The following SDC2 variants were observed in gnomAD, a reference collection of about 807,000 sequenced individuals.
The protein encoded by SDC2 is syndecan 2.
Under a neutral mutation model 22.2 loss-of-function variants are expected in SDC2, and 13 were observed. The observed-to-expected ratio is 0.59, with a 90% CI of 0.38 to 0.93. The LOEUF is 0.93. Ranked by LOEUF, SDC2 falls within the 40% of genes least tolerant of loss-of-function variation. The probability of loss-of-function intolerance (pLI) is 0.00; values close to 1 mark genes in which losing one functional copy is unlikely to be tolerated. For synonymous variants in SDC2, 94 were observed against 92.8 expected, an observed-to-expected ratio of 1.01 and a Z score of -0.07; for missense variants, 235 against 246.8, an observed-to-expected ratio of 0.95 and a Z score of 0.32.
intron 1 of SDC2, among the ~76,000 whole-genome samples, chr8:96,590,620 C>T (rs959507314): frequency 6.6e-5 from 10 of 151,860 alleles, no homozygotes; most frequent in South Asian, 2.1e-4. Context: ...TTGTCATGAG[C>T]GCAGGGGTTT....
chr8:96,495,627 A>G (rs1813061691), intron 1 of SDC2, among the ~76,000 whole-genome samples: 1 of 152,198 alleles, frequency 6.6e-6, no homozygotes, highest in African/African-American at 2.4e-5. Context: ...GACAAATTAT[A>G]TCATCTTAAG....
intron 1 of SDC2, among the ~76,000 whole-genome samples, chr8:96,585,747 C>G (rs1814674872): frequency 6.6e-6 from 1 of 152,102 alleles, no homozygotes; most frequent in Admixed American, 6.6e-5. Context: ...TTTACACCAC[C>G]AGATGCCCCA....
chr8:96,576,187 G>C (rs1313708455), intron 1 of SDC2, among the ~76,000 whole-genome samples: 1 of 151,760 alleles, frequency 6.6e-6, no homozygotes, highest in African/African-American at 2.4e-5. Context: ...CTTGTACCTG[G>C]TATGAAGGCG....
chr8:96,603,775 T>TG (rs1815032052), intron 3 of SDC2, among the ~76,000 whole-genome samples: 1 of 152,094 alleles, frequency 6.6e-6, no homozygotes, highest in Non-Finnish European at 1.5e-5. Flanking sequence ...CTGTCCAAAT[T>TG]GAAGTGCTTT....
intron 1 of SDC2, among the ~76,000 whole-genome samples, chr8:96,533,955 C>T (rs186068535): frequency 2.7e-4 from 41 of 152,272 alleles, no homozygotes; most frequent in South Asian, 6.2e-4. Context: ...CCCTGCCCCG[C>T]GGGGAGGCAG....
chr8:96,510,935 T>C lies in SDC2; in HGVS notation c.60+16604T>C, dbSNP rs181250532. Among the ~76,000 whole-genome samples, 617 of 152,306 alleles carry C rather than the reference T, an allele frequency of 4.1e-3. 3 individuals are homozygous for C. The highest frequency in any genetic ancestry group is 8.9e-3 in the South Asian group (43 of 4,830). ...ATTCATGTAATACAATTAGTAGATA[T>C]AAGTGCTTTTTCTCAGTGGAAATTG... On this transcript the variant is annotated intron_variant, in intron 1 of 4. Coordinates refer to ENST00000302190, the MANE Select transcript of SDC2 (RefSeq NM_002998.4).
intron 1 of SDC2, among the ~76,000 whole-genome samples, chr8:96,562,187 A>G (rs1190232474): frequency 6.6e-6 from 1 of 152,106 alleles, no homozygotes; most frequent in Non-Finnish European, 1.5e-5. Context: ...TTTAAGATCT[A>G]TGTCTAGATT....
intron 1 of SDC2, among the ~76,000 whole-genome samples, chr8:96,515,298 TCTC>T (rs1813385335): frequency 6.6e-6 from 1 of 152,216 alleles, no homozygotes; most frequent in African/African-American, 2.4e-5. Flanking sequence ...TCTCCTCTCT[TCTC>T]CTTTGGCAGC....
At chr8:96,598,369 C>A (rs1421180111) in intron 2 of SDC2, among the ~76,000 whole-genome samples, 1 of 152,110 alleles carries the variant, frequency 6.6e-6, no homozygotes, top group Non-Finnish European at 1.5e-5. Flanking sequence ...CGCCTGTAAT[C>A]CCAGCAGTTT....
intron 1 of SDC2, among the ~76,000 whole-genome samples, chr8:96,571,384 G>T (rs1237685331): frequency 6.6e-6 from 1 of 152,188 alleles, no homozygotes; most frequent in Non-Finnish European, 1.5e-5. Flanking sequence ...GATGGAAAGG[G>T]GCAGGTCCCC....
At chr8:96,581,209 T>C (rs1422843982) in intron 1 of SDC2, among the ~76,000 whole-genome samples, 4 of 152,358 alleles carry the variant, frequency 2.6e-5, no homozygotes, top group East Asian at 3.9e-4. Flanking sequence ...ATATGTGTTC[T>C]TGTTTTAAAC....
rs56672989 is a variant in SDC2 at position 96,500,661 on chromosome 8, C to CAAA, written c.60+6348_60+6350dup. On this transcript the variant is annotated intron_variant, in intron 1 of 4. Transcript: ENST00000302190. ...TGGGCGACAGAGTGAGACTCCATCT[C>CAAA]AAAAAAAAAAAAAAAAAAAAGAGTG... Among the ~76,000 whole-genome samples the CAAA allele has an allele frequency of 2.5e-3, 185 of 73,476 alleles. 4 individuals carry two copies. Among genetic ancestry groups the CAAA allele is most frequent in the African/African-American group, 5.4e-3 (103 of 19,146 alleles). The allele number at this position is 73,476 out of a possible 152,430, so 48.2% of individuals were successfully genotyped here. A position where few individuals can be genotyped will look rare whatever the true frequency, so the allele number is the denominator to read the frequency against.
At chr8:96,601,982 TCTC>T (rs1278769533) in intron 2 of SDC2, among the ~76,000 whole-genome samples, 1 of 152,048 alleles carries the variant, frequency 6.6e-6, no homozygotes, top group African/African-American at 2.4e-5. Context: ...CTGGTCTCGA[TCTC>T]CTGACCTCGT....
intron 1 of SDC2, among the ~76,000 whole-genome samples, chr8:96,572,488 C>T (rs780064694): frequency 6.6e-6 from 1 of 152,144 alleles, no homozygotes; most frequent in Non-Finnish European, 1.5e-5. Flanking sequence ...TGCCTGCATT[C>T]GGTTCTCCAG....
intron 1 of SDC2, among the ~76,000 whole-genome samples, chr8:96,550,440 T>C (rs887789113): frequency 6.6e-6 from 1 of 152,182 alleles, no homozygotes; most frequent in African/African-American, 2.4e-5. Flanking sequence ...CTCAACCCGT[T>C]TAATCCAAGC....
chr8:96,522,333 C>T (rs1188559847), intron 1 of SDC2, among the ~76,000 whole-genome samples: 2 of 151,678 alleles, frequency 1.3e-5, no homozygotes, highest in African/African-American at 4.8e-5. Flanking sequence ...TTTTGAAGTA[C>T]ATATTGCCTG....
intron 3 of SDC2, among the ~76,000 whole-genome samples, chr8:96,604,773 A>G (rs1315715396): frequency 6.6e-6 from 1 of 152,220 alleles, no homozygotes; most frequent in Non-Finnish European, 1.5e-5. Context: ...ACAACCAGAC[A>G]TGGATGTGGC....
intron 1 of SDC2, among the ~76,000 whole-genome samples, chr8:96,549,977 T>C (rs1194237283): frequency 1.3e-5 from 2 of 152,150 alleles, no homozygotes; most frequent in Non-Finnish European, 2.9e-5. Context: ...ATCTGCTAGG[T>C]TTGGAATTTT....
At chr8:96,549,935 C>G (rs1293691626) in intron 1 of SDC2, among the ~76,000 whole-genome samples, 1 of 152,106 alleles carries the variant, frequency 6.6e-6, no homozygotes. Context: ...GAACGTTGAA[C>G]CTGAAATCCA....
Sources: allele counts gnomAD v4.1 joint callset (sites outside exome capture counted in the v4.1 genomes callset), GRCh38; gene constraint gnomAD v4.1.1; transcripts MANE v1.5; gene names NCBI Gene and HGNC (gene_info 2026-07-23, HGNC 2026-07-21).